DTNB: variants seen among roughly 807,000 people sequenced by gnomAD.
DTNB encodes the protein dystrobrevin beta, also known as DTN-B.
DTNB carries 63 observed loss-of-function variants against 90.7 expected under a neutral mutation model. The observed-to-expected ratio is 0.69, with a 90% confidence interval of 0.57 to 0.86. The LOEUF is 0.86. DTNB is among the 40% of genes least tolerant of loss of function. DTNB has a pLI of 0.00. For missense variants in DTNB, 744 were observed against 807.1 expected (o/e 0.92, Z 0.95); for synonymous variants, 277 against 286.7 (o/e 0.97, Z 0.34).
intron 10 of DTNB, among the ~76,000 whole-genome samples, chr2:25,467,864 A>G (rs937108688): frequency 6.6e-6 from 1 of 152,178 alleles, no homozygotes; most frequent in Non-Finnish European, 1.5e-5. Flanking sequence ...TCAGTCTGCC[A>G]TGGTAGGGGA....
chr2:25,567,985 C>T (rs1367290266), intron 8 of DTNB, among the ~76,000 whole-genome samples: 2 of 152,052 alleles, frequency 1.3e-5, no homozygotes, highest in African/African-American at 2.4e-5. Context: ...ATGGTGAAAC[C>T]GCATCTCTAC....
At chr2:25,495,053 G>A (rs1199488262) in intron 9 of DTNB, among the ~76,000 whole-genome samples, 1 of 152,068 alleles carries the variant, frequency 6.6e-6, no homozygotes, top group African/African-American at 2.4e-5. Flanking sequence ...CAATGCGTCA[G>A]AATGAAGGTG....
At position 25,450,214 on chromosome 2, in the gene DTNB, A is replaced by G. The variant is rs2059070014; in HGVS notation, c.1257+1334T>C. Among the ~76,000 whole-genome samples the G allele has an allele frequency of 2.0e-5, 3 of 152,148 alleles. No individual in the cohort carries two copies. In the South Asian group the frequency reaches 6.2e-4, roughly 31 times the overall value. ...TTTATGATACATTTCAAATTGATTT[A>G]TTTGTATGGTATGAGGCAGGGGTTG... is the stretch of plus-strand genomic sequence containing the variant. On this transcript the variant is annotated intron_variant, in intron 12 of 20. Coordinates refer to ENST00000406818, the MANE Select transcript of DTNB (RefSeq NM_021907.5).
intron 1 of DTNB, chr2:25,652,937 T>A (rs555674400): frequency 3.5e-6 from 1 of 286,198 alleles, no homozygotes; most frequent in African/African-American, 2.2e-5. Flanking sequence ...CTAACTTTGA[T>A]TATTTTCTCT....
intron 10 of DTNB, among the ~76,000 whole-genome samples, chr2:25,475,238 T>A (rs2063538100): frequency 6.6e-6 from 1 of 152,126 alleles, no homozygotes; most frequent in South Asian, 2.1e-4. Context: ...TTGAAGGAAA[T>A]TAAAAGTGGT....
intron 9 of DTNB, among the ~76,000 whole-genome samples, chr2:25,512,332 G>GACT (rs1287505451): frequency 3.9e-5 from 6 of 152,136 alleles, no homozygotes; most frequent in Non-Finnish European, 8.8e-5. Flanking sequence ...TGAACAGAGG[G>GACT]ACTACAAGAA....
chr2:25,450,326 C>T (rs1210462762), intron 12 of DTNB, among the ~76,000 whole-genome samples: 1 of 152,114 alleles, frequency 6.6e-6, no homozygotes, highest in Non-Finnish European at 1.5e-5. Context: ...GACTGATTTG[C>T]TTCTTACCTT....
intron 9 of DTNB, among the ~76,000 whole-genome samples, chr2:25,525,530 G>A (rs2076930120): frequency 6.6e-6 from 1 of 151,966 alleles, no homozygotes; most frequent in Non-Finnish European, 1.5e-5. Flanking sequence ...CAGCTACTCG[G>A]GAGGCTGAGG....
At chr2:25,539,619 T>G (rs1162120070) in intron 8 of DTNB, among the ~76,000 whole-genome samples, 1 of 151,510 alleles carries the variant, frequency 6.6e-6, no homozygotes, top group Non-Finnish European at 1.5e-5. Flanking sequence ...GAGTTCTTTA[T>G]ACTTTTTGTA....
intron 2 of DTNB, among the ~76,000 whole-genome samples, chr2:25,648,432 ATAT>A (rs35931912): frequency 0.26 from 39,972 of 151,974 alleles, 6,289 homozygotes; most frequent in Non-Finnish European, 0.37. Context: ...AGGCTTAAGG[ATAT>A]TATATAAAGT....
intron 12 of DTNB, among the ~76,000 whole-genome samples, chr2:25,435,913 T>C (rs1276957792): frequency 1.3e-5 from 2 of 152,242 alleles, no homozygotes; most frequent in Non-Finnish European, 2.9e-5. Flanking sequence ...GCAATTCGTA[T>C]TTCCCCAATG....
chr2:25,583,383 T>G lies in DTNB; in HGVS notation c.604-2557A>C, dbSNP rs77676814. Among the ~76,000 whole-genome samples the G allele has an allele frequency of 5.6e-3, 850 of 151,904 alleles. 2 individuals are homozygous for G. The highest frequency in any genetic ancestry group is 9.3e-3 in the Non-Finnish European group (632 of 67,956). ...GAACAAAATTAAATGTATCATATCC[T>G]TTGTCATAAATTAAAAGTTTAATAT... On this transcript the variant is annotated intron_variant, in intron 6 of 20. Transcript: ENST00000406818.
intron 4 of DTNB, among the ~76,000 whole-genome samples, chr2:25,613,752 G>A (rs528484871): frequency 2.8e-4 from 43 of 151,934 alleles, no homozygotes; most frequent in African/African-American, 9.6e-4. Context: ...GAGGTCAGGC[G>A]TTTGAGACTA....
At chr2:25,456,670 T>A (rs1036773185) in intron 10 of DTNB, among the ~76,000 whole-genome samples, 1 of 152,130 alleles carries the variant, frequency 6.6e-6, no homozygotes, top group African/African-American at 2.4e-5. Context: ...CCTCCTGGGT[T>A]CAAGCGATTC....
intron 9 of DTNB, among the ~76,000 whole-genome samples, chr2:25,504,154 G>C (rs1428451496): frequency 6.6e-6 from 1 of 152,078 alleles, no homozygotes; most frequent in Non-Finnish European, 1.5e-5. Flanking sequence ...TGTAATCCTA[G>C]CTACCTGGGA....
At chr2:25,507,347 C>T (rs1258931399) in intron 9 of DTNB, among the ~76,000 whole-genome samples, 1 of 152,186 alleles carries the variant, frequency 6.6e-6, no homozygotes, top group African/African-American at 2.4e-5. Flanking sequence ...GGTCAAGTTA[C>T]ACACCCCCAC....
chr2:25,658,997 A>T (rs950762902), intron 1 of DTNB, among the ~76,000 whole-genome samples: 1 of 152,074 alleles, frequency 6.6e-6, no homozygotes, highest in African/African-American at 2.4e-5. Flanking sequence ...TCCTGGGCTC[A>T]AGCAATCGTC....
At chr2:25,638,951 A>G in intron 3 of DTNB, 63 bp downstream of exon 3, 1 of 1,414,730 alleles carries the variant, frequency 7.1e-7, no homozygotes, top group Non-Finnish European at 9.5e-7. Flanking sequence ...AAAAGATGTT[A>G]AAGTCTTTTC....
At chr2:25,587,192 T>C (rs538934804) in intron 6 of DTNB, among the ~76,000 whole-genome samples, 2 of 152,316 alleles carry the variant, frequency 1.3e-5, no homozygotes, top group East Asian at 1.9e-4. Context: ...CAGCAGGCAA[T>C]GAGGAGTGAG....
Sources: gnomAD v4.1 joint callset for allele counts (sites outside exome capture counted in the v4.1 genomes callset) on GRCh38, gnomAD v4.1.1 for gene constraint, MANE v1.5 for transcripts, NCBI Gene and HGNC (gene_info 2026-07-23, HGNC 2026-07-21) for gene names.